Variants in EPSTI1 observed in about 807,000 individuals in gnomAD.
EPSTI1 encodes the protein epithelial-stromal interaction protein 1.
A neutral mutation model predicts 49.9 loss-of-function variants in EPSTI1; 66 were observed. That is an observed-to-expected ratio of 1.32 (90% CI 1.08 to 1.62). The LOEUF is 1.62. Ranked by LOEUF, EPSTI1 falls within the 40% of genes most tolerant of loss-of-function variation. EPSTI1 has a pLI of 0.00. For synonymous variants in EPSTI1, 137 were observed against 130.7 expected, an observed-to-expected ratio of 1.05 and a Z score of -0.33; for missense variants, 394 against 365.5, an observed-to-expected ratio of 1.08 and a Z score of -0.64.
chr13:42,908,786 A>T (rs2037576048), intron 8 of EPSTI1, among the ~76,000 whole-genome samples: 1 of 152,096 alleles, frequency 6.6e-6, no homozygotes, highest in Non-Finnish European at 1.5e-5. Context: ...CCTAATTTTT[A>T]AAATTAGCAA....
intron 8 of EPSTI1, among the ~76,000 whole-genome samples, chr13:42,916,497 C>T (rs1258892436): frequency 6.6e-6 from 1 of 152,008 alleles, no homozygotes; most frequent in Non-Finnish European, 1.5e-5. Context: ...TCAAAAGGGT[C>T]AAATTATAGC....
At chr13:42,973,034 A>T (rs761667134) in intron 1 of EPSTI1, among the ~76,000 whole-genome samples, 3 of 152,238 alleles carry the variant, frequency 2.0e-5, no homozygotes, top group Non-Finnish European at 4.4e-5. Context: ...TAGGATCTGA[A>T]ATAGCAAAAG....
At chr13:42,928,187 G>A (rs1566125861) in intron 6 of EPSTI1, among the ~76,000 whole-genome samples, 1 of 152,188 alleles carries the variant, frequency 6.6e-6, no homozygotes, top group East Asian at 1.9e-4. Context: ...TGCAGAGTAT[G>A]CGGATTACTG....
At chr13:42,935,393 A>C (rs1430326291) in intron 6 of EPSTI1, among the ~76,000 whole-genome samples, 2 of 152,186 alleles carry the variant, frequency 1.3e-5, no homozygotes, top group Non-Finnish European at 2.9e-5. Context: ...AACCTAGATC[A>C]AGTCAACCAT....
intron 6 of EPSTI1, among the ~76,000 whole-genome samples, chr13:42,926,990 G>GACACACACACACACACAC (rs10529424): frequency 9.7e-5 from 14 of 144,610 alleles, no homozygotes; most frequent in Non-Finnish European, 1.2e-4. Context: ...TCTGTTAACA[G>GACACACACACACACACAC]ACACACACAC....
intron 5 of EPSTI1, among the ~76,000 whole-genome samples, chr13:42,960,772 G>A (rs1419041982): frequency 3.9e-5 from 6 of 152,172 alleles, no homozygotes; most frequent in Admixed American, 2.6e-4. Flanking sequence ...TGGGCTAATG[G>A]CCCCTTCCTA....
chr13:42,905,508 G>C (rs1535899), intron 8 of EPSTI1, among the ~76,000 whole-genome samples: 119,499 of 152,106 alleles, frequency 0.79, 48,160 homozygotes, highest in Non-Finnish European at 0.89. Context: ...AGATCCCACA[G>C]AGAAGTTCAA....
chr13:42,986,831 A>G (rs1419781010), intron 1 of EPSTI1, among the ~76,000 whole-genome samples: 2 of 151,330 alleles, frequency 1.3e-5, no homozygotes, highest in Admixed American at 6.6e-5. Context: ...TTAATCACCA[A>G]TGGCCACTGA....
chr13:42,967,289 TAAAAAAAAAAAAAA>T lies in EPSTI1; in HGVS notation c.331+1791_331+1804del, dbSNP rs747737457. On this transcript the variant is annotated intron_variant, in intron 3 of 10. Transcript: ENST00000313624. ...AAGAATTATCAATAAAAAAATAAAT[TAAAAAAAAAAAAAA>T]AAAAAAAAGAAAATCAGCTGGAGAC... Among the ~76,000 whole-genome samples the T allele has an allele frequency of 7.0e-5, 2 of 28,542 alleles. 1 individual carries two copies. The highest frequency in any genetic ancestry group is 1.5e-4 in the Non-Finnish European group (2 of 12,990). The allele number at this position is 28,542 out of a possible 152,430, so 18.7% of individuals were successfully genotyped here.
At chr13:42,985,985 A>T (rs987445560) in intron 1 of EPSTI1, among the ~76,000 whole-genome samples, 5 of 152,250 alleles carry the variant, frequency 3.3e-5, no homozygotes, top group Non-Finnish European at 7.3e-5. Flanking sequence ...CGCGATGATT[A>T]AACTCTTTCT....
chr13:42,914,611 T>A (rs2037778783), intron 8 of EPSTI1, among the ~76,000 whole-genome samples: 1 of 152,126 alleles, frequency 6.6e-6, no homozygotes, highest in African/African-American at 2.4e-5. Context: ...GAATTAAGGA[T>A]GAGGTGGGTA....
rs536574842 is a variant in EPSTI1, at chr13:42,982,222, C to T, written c.188+9756G>A. On this transcript the variant is annotated intron_variant, in intron 1 of 10. Transcript: ENST00000313624. ...CTAAAACCCACCAAAACCAAGATGG[C>T]AACGAGAGTGACCTCTGGTTTTCCT... is the stretch of plus-strand genomic sequence containing the variant. Among the ~76,000 whole-genome samples, 4 of 152,294 alleles carry T rather than the reference C, an allele frequency of 2.6e-5. No homozygotes were observed. The South Asian group carries it at 8.3e-4, about 32-fold the overall frequency.
At chr13:42,948,696 T>C (rs970675428) in intron 6 of EPSTI1, among the ~76,000 whole-genome samples, 1 of 152,106 alleles carries the variant, frequency 6.6e-6, no homozygotes, top group Non-Finnish European at 1.5e-5. Context: ...AAGCTGGTCT[T>C]GAACTGCTGA....
intron 7 of EPSTI1, 33 bp from the exon 8 acceptor site, chr13:42,917,657 A>AAC (rs1555260819): frequency 2.2e-5 from 32 of 1,435,720 alleles, no homozygotes; most frequent in Middle Eastern, 3.7e-4. Context: ...AAAAAAAAAA[A>AAC]AACAACTTGA....
At chr13:42,931,148 C>G (rs183797473) in intron 6 of EPSTI1, among the ~76,000 whole-genome samples, 5 of 151,422 alleles carry the variant, frequency 3.3e-5, no homozygotes, top group African/African-American at 1.2e-4. Context: ...AGTGAGCCTG[C>G]AAGGCATTTG....
At chr13:42,910,654 C>T (rs1025069461) in intron 8 of EPSTI1, among the ~76,000 whole-genome samples, 1 of 152,140 alleles carries the variant, frequency 6.6e-6, no homozygotes, top group Non-Finnish European at 1.5e-5. Flanking sequence ...AACCTACTTC[C>T]AATAATTAGA....
intron 7 of EPSTI1, among the ~76,000 whole-genome samples, chr13:42,920,071 T>G (rs978634612): frequency 6.6e-6 from 1 of 152,180 alleles, no homozygotes; most frequent in Non-Finnish European, 1.5e-5. Context: ...ATTTCCCCTT[T>G]TTATAAAGAC....
Position 42,917,585 on chromosome 13 carries a change from C to A in EPSTI1, c.697G>T (p.Glu233Ter). Residue 233 changes from glutamate (E) to a stop codon, truncating the protein, a stop_gained, in exon 8 of 11, where the codon GAA (glutamate) becomes TAA (stop). Coordinates refer to ENST00000313624, the MANE Select transcript of EPSTI1 (RefSeq NM_033255.5). LOFTEE classifies it high-confidence loss of function. ...WAYRDSLKAEENRKLQKMKDE... is the reference protein window; with the variant it reads ...WAYRDSLKAE ...TTCATCTTTTGCAATTTTCTGTTTT[C>A]TTCTGCCTTTAGAGAATCTCTGTAA... 6.8e-7 allele frequency: 1 copy of A among 1,475,332 alleles called. No individual in the cohort carries two copies. Among genetic ancestry groups the A allele is most frequent in the East Asian group, 2.9e-5 (1 of 34,196 alleles). 91.4% of individuals were successfully genotyped at this position (1,475,332 alleles called of 1,614,324 possible).
At chr13:42,933,377 T>C (rs1212262114) in intron 6 of EPSTI1, among the ~76,000 whole-genome samples, 1 of 151,474 alleles carries the variant, frequency 6.6e-6, no homozygotes, top group African/African-American at 2.4e-5. Flanking sequence ...TGACCACCTC[T>C]TGAGAACAGT....
Sources: gnomAD v4.1 joint callset for allele counts (sites outside exome capture counted in the v4.1 genomes callset) on GRCh38, gnomAD v4.1.1 for gene constraint, MANE v1.5 for transcripts, NCBI Gene and HGNC (gene_info 2026-07-23, HGNC 2026-07-21) for gene names.